Variants in SHROOM3 observed in about 807,000 individuals in gnomAD.
The protein encoded by SHROOM3 is protein Shroom3.
In SHROOM3, 47 loss-of-function variants were observed where a neutral mutation model predicts 138.6. The observed-to-expected ratio is 0.34, with a 90% CI of 0.27 to 0.43. The LOEUF (loss-of-function observed/expected upper bound fraction) is 0.43. Ranked by LOEUF, SHROOM3 falls within the 20% of genes least tolerant of loss-of-function variation. SHROOM3 has a pLI of 1.00. For synonymous variants in SHROOM3, 1,062 were observed against 1,063.3 expected (o/e 1.00, Z 0.02); for missense variants, 2,491 against 2,596.5 (o/e 0.96, Z 0.88).
chr4:76,633,526 G>T (rs914232623), intron 2 of SHROOM3, among the ~76,000 whole-genome samples: 3 of 151,118 alleles, frequency 2.0e-5, no homozygotes, highest in Non-Finnish European at 3.0e-5. Context: ...TGTGGTGGCG[G>T]GCGCCTGTAA....
chr4:76,741,471 T>C lies in SHROOM3; in HGVS notation c.3298T>C (p.Ser1100Pro), dbSNP rs954498041. 7 of 1,563,014 alleles carry C rather than the reference T, an allele frequency of 4.5e-6. 1 individual carries two copies. In the Middle Eastern group the frequency reaches 8.1e-4, roughly 181 times the overall value. The change falls in exon 5 of 11, where the codon TCC becomes CCC. Residue 1100 changes from serine (S) to proline (P), a missense_variant. Physicochemically the swap from Ser to Pro is moderately conservative, Grantham distance 74 (BLOSUM62 -1). This residue lies in a region of SHROOM3 where 1,733 missense variants were observed against 1,661.6 expected (regional missense o/e 1.04). Coordinates refer to ENST00000296043, the MANE Select transcript of SHROOM3 (RefSeq NM_020859.4). This position sits in a 1 kb window ranked among gnomAD's most constrained non-coding sequence, Gnocchi z 6.2. ...GCGCAAGACCGGCAAGCGGCCTACC[T>C]CCGCCGCCGGCTGCAGCCTCCAGGA... ...IQRKTGKRPT[S>P]AAGCSLQEPG...
At chr4:76,589,068 C>T (rs1050560638) in intron 2 of SHROOM3, among the ~76,000 whole-genome samples, 8 of 152,322 alleles carry the variant, frequency 5.3e-5, no homozygotes, top group African/African-American at 1.7e-4. Flanking sequence ...AAATGATAGC[C>T]GCAGAGCGGT....
At position 76,644,096 on chromosome 4, in the gene SHROOM3, G is replaced by A. The variant is rs10025224; in HGVS notation, c.324-66060G>A. ...TGACCTCAGGTGATCTGCCCTCCTCGGCCTCCCAAAGTGCTGGGATTATAG... is the reference window on the plus strand; with the variant it reads ...TGACCTCAGGTGATCTGCCCTCCTCAGCCTCCCAAAGTGCTGGGATTATAG... On this transcript the variant is annotated intron_variant, in intron 2 of 10. Coordinates refer to ENST00000296043, the MANE Select transcript of SHROOM3 (RefSeq NM_020859.4). Among the ~76,000 whole-genome samples the A allele has an allele frequency of 3.3e-3, 498 of 151,936 alleles. 2 individuals carry two copies. The highest frequency in any genetic ancestry group is 0.011 in the African/African-American group (457 of 41,432).
chr4:76,619,932 C>T (rs894598173), intron 2 of SHROOM3, among the ~76,000 whole-genome samples: 1 of 151,928 alleles, frequency 6.6e-6, no homozygotes, highest in African/African-American at 2.4e-5. Flanking sequence ...AGTGGTGGCA[C>T]ATGCCTGTAA....
chr4:76,733,415 TCAG>T (rs1720939855), intron 4 of SHROOM3, among the ~76,000 whole-genome samples: 2 of 152,196 alleles, frequency 1.3e-5, no homozygotes, highest in African/African-American at 4.8e-5. Flanking sequence ...ATAAGGACCA[TCAG>T]CACAAAAGCA....
At chr4:76,610,202 G>C (rs1030514641) in intron 2 of SHROOM3, among the ~76,000 whole-genome samples, 3 of 152,092 alleles carry the variant, frequency 2.0e-5, no homozygotes, top group Non-Finnish European at 2.9e-5. Context: ...CAGTTGTCTA[G>C]CCAAAAAAAA....
rs1221156821 is a variant in SHROOM3 at position 76,740,762 on chromosome 4, C to T, written c.2589C>T (p.Cys863=). 3.7e-6 allele frequency: 6 copies of T among 1,612,830 alleles called. No homozygotes were observed. Among genetic ancestry groups the T allele is most frequent in the African/African-American group, 1.3e-5 (1 of 75,054 alleles). The part of the protein sequence containing the change: ...LKLEEASRQP[C]GQQLSGGASD... Reference sequence around the variant, plus strand: ...TGGAAGAGGCTTCCCGGCAGCCCTGCGGTCAGCAGCTGAGCGGAGGAGCGT... The same window carrying T: ...TGGAAGAGGCTTCCCGGCAGCCCTGTGGTCAGCAGCTGAGCGGAGGAGCGT... The change falls in exon 5 of 11, where the codon TGC becomes TGT. Residue 863 remains cysteine, a synonymous_variant. Transcript: ENST00000296043. The surrounding 1 kb of genome is among the most constrained non-coding windows in gnomAD (Gnocchi z 4.0).
chr4:76,580,376 A>G (rs1355268177), intron 2 of SHROOM3, among the ~76,000 whole-genome samples: 2 of 151,290 alleles, frequency 1.3e-5, no homozygotes, highest in Admixed American at 6.6e-5. Flanking sequence ...TTAAGAGCAT[A>G]TGACTTGAAA....
intron 2 of SHROOM3, chr4:76,688,827 A>G: frequency 1.0e-6 from 1 of 985,412 alleles, no homozygotes; most frequent in Non-Finnish European, 1.2e-6. Flanking sequence ...ATCAGAGACG[A>G]TGCTTATGGA....
At chr4:76,716,011 A>T in intron 3 of SHROOM3, 1 of 204,366 alleles carries the variant, frequency 4.9e-6, no homozygotes, top group Non-Finnish European at 1.0e-5. Context: ...GCATTCTATC[A>T]TCAGATGATT....
intron 2 of SHROOM3, among the ~76,000 whole-genome samples, chr4:76,685,406 T>C (rs1296311248): frequency 6.6e-6 from 1 of 151,862 alleles, no homozygotes; most frequent in East Asian, 1.9e-4. Context: ...AATCCCATAA[T>C]GTTTTAAGAA....
At chr4:76,689,956 T>C (rs891860579) in intron 2 of SHROOM3, among the ~76,000 whole-genome samples, 9 of 152,208 alleles carry the variant, frequency 5.9e-5, no homozygotes, top group African/African-American at 2.2e-4. Context: ...TAATTGTTGA[T>C]TATTGACAGC....
chr4:76,512,460 C>T (rs1024845542), intron 1 of SHROOM3, among the ~76,000 whole-genome samples: 1 of 152,146 alleles, frequency 6.6e-6, no homozygotes, highest in Non-Finnish European at 1.5e-5. Flanking sequence ...AAGAAACTGG[C>T]AGATCTGGAA....
intron 1 of SHROOM3, among the ~76,000 whole-genome samples, chr4:76,527,126 G>A (rs1473224643): frequency 1.3e-5 from 2 of 152,020 alleles, no homozygotes; most frequent in East Asian, 3.9e-4. Context: ...AGGCAGGGAA[G>A]GAAAAAAGAT....
intron 1 of SHROOM3, among the ~76,000 whole-genome samples, chr4:76,497,006 A>G (rs560638022): frequency 6.6e-6 from 1 of 152,354 alleles, no homozygotes; most frequent in Admixed American, 6.5e-5. Flanking sequence ...AGCTGCTAGC[A>G]TGGTGCCTTA....
intron 2 of SHROOM3, among the ~76,000 whole-genome samples, chr4:76,570,178 C>T (rs1341307367): frequency 6.6e-6 from 1 of 152,028 alleles, no homozygotes; most frequent in African/African-American, 2.4e-5. Flanking sequence ...CACACACACA[C>T]ACACACGCAC....
At chr4:76,637,492 T>A (rs1237311845) in intron 2 of SHROOM3, 2 of 152,242 alleles carry the variant, frequency 1.3e-5, no homozygotes, top group African/African-American at 4.8e-5. Flanking sequence ...TTACTCTGAA[T>A]AATTCATGCT....
At chr4:76,679,289 G>A (rs1020063887) in intron 2 of SHROOM3, among the ~76,000 whole-genome samples, 11 of 152,072 alleles carry the variant, frequency 7.2e-5, no homozygotes, top group African/African-American at 2.4e-4. Flanking sequence ...CTCCAGGCAC[G>A]CTAGTGTCTT....
At chr4:76,569,690 C>T (rs1423200377) in intron 2 of SHROOM3, among the ~76,000 whole-genome samples, 1 of 142,160 alleles carries the variant, frequency 7.0e-6, no homozygotes, top group Non-Finnish European at 1.5e-5. Context: ...CAGTTTTCTT[C>T]CTATGACAGT....
Sources: allele counts gnomAD v4.1 joint callset (sites outside exome capture counted in the v4.1 genomes callset), GRCh38; gene constraint gnomAD v4.1.1; regional missense constraint gnomAD v4.1.1; non-coding constraint Gnocchi (gnomAD v3.1); transcripts MANE v1.5; gene names NCBI Gene and HGNC (gene_info 2026-07-23, HGNC 2026-07-21).